The following N4BP3 variants were observed in gnomAD, a reference collection of about 807,000 sequenced individuals.
N4BP3 encodes NEDD4 binding protein 3.
A neutral mutation model predicts 43.8 loss-of-function variants in N4BP3; 33 were observed. The ratio of observed to expected loss-of-function variants is 0.75; its 90% CI spans 0.57 to 1.01. The LOEUF (loss-of-function observed/expected upper bound fraction) is 1.01, where lower values mean the gene tolerates loss of function less well. Among genes scored for constraint, N4BP3 ranks in the 50% least tolerant of loss-of-function variants. The probability of loss-of-function intolerance (pLI) is 0.00; values close to 1 mark genes in which losing one functional copy is unlikely to be tolerated. For missense variants in N4BP3, 756 were observed against 744.2 expected (o/e 1.02, Z -0.18); for synonymous variants, 326 against 321.9 (o/e 1.01, Z -0.14).
chr5:178,120,148 C>T lies in N4BP3; in HGVS notation c.331-30C>T, dbSNP rs763955975. On this transcript the variant is annotated intron_variant, in intron 2 of 4. Transcript: ENST00000274605. ...AGCAGGCAGCTGCCCAGGTCTCACA[C>T]CTGCCCTCTCTGCCCTCTCTTCCTG... 6 of 1,539,478 alleles carry T rather than the reference C, an allele frequency of 3.9e-6. No homozygotes were observed. The South Asian group carries it at 6.3e-5, about 16-fold the overall frequency.
chr5:178,126,201 G>A (rs1561621782), downstream of N4BP3: 1 of 151,922 alleles, frequency 6.6e-6, no homozygotes. Flanking sequence ...TTATTTTTTT[G>A]AGATGGAGTC....
chr5:178,120,949 C>T, intron 3 of N4BP3, 149 bp from the exon 4 acceptor site: 1 of 1,228,058 alleles, frequency 8.1e-7, no homozygotes, highest in Non-Finnish European at 1.1e-6. Flanking sequence ...ACACCTCACC[C>T]TGGAGGGCAT....
intron 2 of N4BP3, 107 bp downstream of exon 2, chr5:178,120,020 C>A: frequency 6.8e-7 from 1 of 1,469,618 alleles, no homozygotes; most frequent in Non-Finnish European, 9.1e-7. Context: ...ATACGAAAAT[C>A]GTGCTATGGG....
chr5:178,123,752 A>C lies in N4BP3; in HGVS notation c.*1751A>C, dbSNP rs1298805168. ...GGGTGTGTTTGGGAGCCTGGCCTCCAAAAGCCAGTGTCTGGGTTGGAGACA... is the reference window on the plus strand; with the variant it reads ...GGGTGTGTTTGGGAGCCTGGCCTCCCAAAGCCAGTGTCTGGGTTGGAGACA... On this transcript the variant is annotated 3_prime_UTR_variant, in exon 5 of 5. Coordinates refer to ENST00000274605, the MANE Select transcript of N4BP3 (RefSeq NM_015111.2). 1 of 152,834 alleles carries C rather than the reference A, an allele frequency of 6.5e-6. No individual in the cohort carries two copies. The highest frequency in any genetic ancestry group is 1.5e-5 in the Non-Finnish European group (1 of 68,186). The allele number at this position is 152,834 out of a possible 1,614,324, so 9.5% of individuals were successfully genotyped here.
chr5:178,126,122 T>C (rs551335563), downstream of N4BP3: 18 of 152,322 alleles, frequency 1.2e-4, no homozygotes, highest in African/African-American at 4.3e-4. Flanking sequence ...CTGGGATAAC[T>C]GGATAAAAAT....
At position 178,121,658 on chromosome 5, in the gene N4BP3, A is replaced by T. The variant is rs1404212155; in HGVS notation, c.1292A>T (p.Glu431Val). Residue 431 changes from glutamate (E) to valine (V), a missense_variant, in exon 5 of 5, where the codon GAG (glutamate) becomes GTG (valine). Physicochemically the swap from Glu to Val is moderately radical, Grantham distance 121. Transcript: ENST00000274605. The stretch of plus-strand genomic sequence containing the variant: ...CGCGAGGCTGTGCGCAGCCTGCAGG[A>T]GCAGGCCCCTCGGGAGGAAGCCCCA... Reference protein sequence around the residue: ...RLREAVRSLQEQAPREEAPGS... With the variant: ...RLREAVRSLQVQAPREEAPGS... The T allele has an allele frequency of 1.9e-6, 3 of 1,612,216 alleles. No homozygotes were observed. The highest frequency in any genetic ancestry group is 1.3e-5 in the African/African-American group (1 of 74,902).
chr5:178,115,917 G>A (rs1024796531), intron 1 of N4BP3, among the ~76,000 whole-genome samples: 1 of 152,184 alleles, frequency 6.6e-6, no homozygotes, highest in Non-Finnish European at 1.5e-5. Context: ...GACTGGTGGC[G>A]GGGAGCAGGA....
chr5:178,119,185 G>T (rs376737305), intron 1 of N4BP3, among the ~76,000 whole-genome samples: 5 of 152,180 alleles, frequency 3.3e-5, no homozygotes, highest in African/African-American at 4.8e-5. Flanking sequence ...CCTTAGCCCT[G>T]TGCGGGCCCA....
At chr5:178,116,871 G>A (rs1244609303) in intron 1 of N4BP3, among the ~76,000 whole-genome samples, 1 of 152,204 alleles carries the variant, frequency 6.6e-6, no homozygotes, top group Non-Finnish European at 1.5e-5. Context: ...CGCCCCCAGG[G>A]CCACACAGGG....
At chr5:178,121,001 G>A in intron 3 of N4BP3, 97 bp from the exon 4 acceptor site, 1 of 1,447,418 alleles carries the variant, frequency 6.9e-7, no homozygotes, top group Admixed American at 2.3e-5. Context: ...TGTGGTGTAG[G>A]GGCACAGGAT....
rs148196961 is a variant in N4BP3 at position 178,117,638 on chromosome 5, A to AAAAAAAAAAG, written c.-30-1916_-30-1915insAAAAAAAAAG. ...GTCTCAAAAAAAAAAAAAAAAAAAA[A>AAAAAAAAAAG]GAAGGGACAATAACTCTGTCACAGG... On this transcript the variant is annotated intron_variant, in intron 1 of 4. Coordinates refer to ENST00000274605, the MANE Select transcript of N4BP3 (RefSeq NM_015111.2). 5.5e-5 allele frequency among the ~76,000 whole-genome samples: 6 copies of AAAAAAAAAAG among 108,384 alleles called. 2 individuals carry two copies. Among genetic ancestry groups the AAAAAAAAAAG allele is most frequent in the Non-Finnish European group, 5.5e-5 (3 of 54,630 alleles). The allele number at this position is 108,384 out of a possible 152,430, so 71.1% of individuals were successfully genotyped here.
rs147588405 is a variant in N4BP3, at chr5:178,121,628, G to A, written c.1262G>A (p.Arg421Gln). 4.5e-5 allele frequency: 72 copies of A among 1,612,772 alleles called. No homozygotes were observed. The highest frequency in any genetic ancestry group is 4.4e-5 in the Non-Finnish European group (52 of 1,179,856). ...CAGGCTCAGGACGCAGAGCTGGTCCGGCTGCGCGAGGCTGTGCGCAGCCTG... is the reference window on the plus strand; with the variant it reads ...CAGGCTCAGGACGCAGAGCTGGTCCAGCTGCGCGAGGCTGTGCGCAGCCTG... ...QAQAQDAELV[R>Q]LREAVRSLQE... The change falls in exon 5 of 5, where the codon CGG becomes CAG. Residue 421 changes from arginine to glutamine, a missense_variant. Transcript: ENST00000274605.
At chr5:178,116,649 A>G (rs1481996353) in intron 1 of N4BP3, among the ~76,000 whole-genome samples, 1 of 152,174 alleles carries the variant, frequency 6.6e-6, no homozygotes, top group Non-Finnish European at 1.5e-5. Flanking sequence ...TGGGGCTGAC[A>G]TGTGGCACAC....
chr5:178,121,792 C>CGA lies in N4BP3; in HGVS notation c.1427_1428dup (p.Leu477AspfsTer76), dbSNP rs1561618892. The CGA allele has an allele frequency of 6.2e-7, 1 of 1,608,610 alleles. No homozygotes were observed. Among genetic ancestry groups the CGA allele is most frequent in the Non-Finnish European group, 8.5e-7 (1 of 1,179,472 alleles). On this transcript the variant is annotated frameshift_variant, in exon 5 of 5. Transcript: ENST00000274605. LOFTEE classifies it high-confidence loss of function. ...GCTGCGGGCTGAGCTGCTGCAGGAG[C>CGA]GACTTCGGGGCCAGGAGCAGGCGCT...
intron 2 of N4BP3, 83 bp downstream of exon 2, chr5:178,119,996 CG>C: frequency 1.3e-6 from 2 of 1,487,774 alleles, no homozygotes; most frequent in South Asian, 1.3e-5. Context: ...GGGGTGGGGA[CG>C]GGGCATGCTG....
chr5:178,113,965 C>T (rs1021179456), intron 1 of N4BP3, among the ~76,000 whole-genome samples, 194 bp downstream of exon 1: 2 of 152,190 alleles, frequency 1.3e-5, no homozygotes, highest in Non-Finnish European at 2.9e-5. Flanking sequence ...CTCCCGGTCA[C>T]CGAGGCACCG....
downstream of N4BP3, among the ~76,000 whole-genome samples, chr5:178,126,335 C>T (rs923815277): frequency 3.3e-5 from 5 of 152,114 alleles, no homozygotes; most frequent in African/African-American, 7.2e-5. Flanking sequence ...CCTGCCACGA[C>T]GCCTGGCTAA....
Position 178,120,327 on chromosome 5 carries a change from C to T in N4BP3, c.480C>T (p.Pro160=), listed in dbSNP as rs112096790. The T allele has an allele frequency of 4.2e-4, 672 of 1,607,512 alleles. 2 individuals carry two copies. The African/African-American group carries it at 6.5e-3, about 16-fold the overall frequency. Residue 160 remains proline, a synonymous_variant, in exon 3 of 5, where the codon CCC becomes CCT. Coordinates refer to ENST00000274605, the MANE Select transcript of N4BP3 (RefSeq NM_015111.2). ...HTLACHPPLS[P]GPRASQARAQ... Reference sequence around the variant, plus strand: ...TGGCCTGCCACCCGCCCCTGAGCCCCGGGCCCCGGGCCAGCCAGGCCCGGG... The same window carrying T: ...TGGCCTGCCACCCGCCCCTGAGCCCTGGGCCCCGGGCCAGCCAGGCCCGGG...
At chr5:178,119,209 G>T (rs371004740) in intron 1 of N4BP3, among the ~76,000 whole-genome samples, 1 of 152,218 alleles carries the variant, frequency 6.6e-6, no homozygotes, top group Non-Finnish European at 1.5e-5. Context: ...CTGGGAGGAC[G>T]GCTCCTGTCC....
Sources: allele counts gnomAD v4.1 joint callset (sites outside exome capture counted in the v4.1 genomes callset), GRCh38; gene constraint gnomAD v4.1.1; transcripts MANE v1.5; gene names NCBI Gene and HGNC (gene_info 2026-07-23, HGNC 2026-07-21).